The following SHROOM3 variants were observed in gnomAD, a reference collection of about 807,000 sequenced individuals.
SHROOM3 encodes the protein protein Shroom3.
A neutral mutation model predicts 138.6 loss-of-function variants in SHROOM3; 47 were observed. The ratio of observed to expected loss-of-function variants is 0.34; its 90% CI spans 0.27 to 0.43. The LOEUF (loss-of-function observed/expected upper bound fraction) is 0.43. SHROOM3 is among the 20% of genes least tolerant of loss of function. The pLI is 1.00. For synonymous variants in SHROOM3, 1,062 were observed against 1,063.3 expected, an observed-to-expected ratio of 1.00 and a Z score of 0.02; for missense variants, 2,491 against 2,596.5, an observed-to-expected ratio of 0.96 and a Z score of 0.88.
chr4:76,558,454 T>G (rs1386596124), intron 2 of SHROOM3, among the ~76,000 whole-genome samples: 3 of 152,226 alleles, frequency 2.0e-5, no homozygotes, highest in Non-Finnish European at 4.4e-5. Flanking sequence ...CATGCTAATA[T>G]GGAGAAGTAT....
intron 1 of SHROOM3, among the ~76,000 whole-genome samples, chr4:76,447,354 G>A (rs1393018426): frequency 6.6e-6 from 1 of 152,108 alleles, no homozygotes; most frequent in Non-Finnish European, 1.5e-5. Context: ...CTTTTCCTTT[G>A]AAAAGTTAAA....
chr4:76,552,023 G>C (rs1055280020), intron 1 of SHROOM3, among the ~76,000 whole-genome samples: 5 of 118,166 alleles, frequency 4.2e-5, no homozygotes, highest in Middle Eastern at 8.5e-3. Flanking sequence ...CATCACGCCC[G>C]GCTAATTTTT....
At chr4:76,710,768 A>C (rs751846036) in intron 3 of SHROOM3, among the ~76,000 whole-genome samples, 15 of 152,300 alleles carry the variant, frequency 9.8e-5, no homozygotes, top group Non-Finnish European at 1.6e-4. Flanking sequence ...CTACTTACCC[A>C]TGTGGGTCAG....
chr4:76,626,260 T>A (rs1237037904), intron 2 of SHROOM3, among the ~76,000 whole-genome samples: 1 of 152,204 alleles, frequency 6.6e-6, no homozygotes, highest in Admixed American at 6.5e-5. Flanking sequence ...GGATTTTTTT[T>A]ATCTCTAGGT....
rs1722684250 is a variant in SHROOM3 at position 76,779,759 on chromosome 4, T to A, written c.*582T>A. The A allele has an allele frequency of 6.5e-6, 1 of 153,050 alleles. No homozygotes were observed. Among genetic ancestry groups the A allele is most frequent in the Non-Finnish European group, 1.5e-5 (1 of 68,324 alleles). The allele number at this position is 153,050 out of a possible 1,614,324, so 9.5% of individuals were successfully genotyped here. A position where few individuals can be genotyped will look rare whatever the true frequency, so the allele number is the denominator to read the frequency against. ...GATTACGTTTGAGCTTTGTATTTTG[T>A]GAAAACCTTAATGAAATGAATTCCA... On this transcript the variant is annotated 3_prime_UTR_variant, in exon 11 of 11. Coordinates refer to ENST00000296043, the MANE Select transcript of SHROOM3 (RefSeq NM_020859.4).
At chr4:76,610,512 C>T (rs1442927114) in intron 2 of SHROOM3, among the ~76,000 whole-genome samples, 1 of 152,182 alleles carries the variant, frequency 6.6e-6, no homozygotes, top group East Asian at 1.9e-4. Flanking sequence ...GATGAAGCCT[C>T]TTGTTGCTGA....
At chr4:76,608,657 ATAG>A (rs1175495373) in intron 2 of SHROOM3, among the ~76,000 whole-genome samples, 1 of 28,168 alleles carries the variant, frequency 3.6e-5, no homozygotes, top group African/African-American at 6.0e-5. Context: ...ATAGCATAGC[ATAG>A]CATAGCACAG....
At position 76,739,053 on chromosome 4, in the gene SHROOM3, G is replaced by C. The variant is rs142581367; in HGVS notation, c.880G>C (p.Gly294Arg). Residue 294 changes from glycine (G) to arginine (R), a missense_variant, in exon 5 of 11, where the codon GGC becomes CGC. Gly to Arg is a moderately radical substitution (Grantham distance 125). Transcript: ENST00000296043. ...CATGGACAATACTTCTGCTCGAGGT[G>C]GCCTCCTCGAAGGGATGAGGCAGGC... ...GSMDNTSARGGLLEGMRQADI... is the reference protein window; with the variant it reads ...GSMDNTSARGRLLEGMRQADI... The C allele has an allele frequency of 5.6e-6, 9 of 1,614,214 alleles. No individual in the cohort carries two copies. The highest frequency in any genetic ancestry group is 7.6e-6 in the Non-Finnish European group (9 of 1,180,036).
chr4:76,491,121 A>G (rs1035210528), intron 1 of SHROOM3, among the ~76,000 whole-genome samples: 1 of 152,216 alleles, frequency 6.6e-6, no homozygotes, highest in Non-Finnish European at 1.5e-5. Flanking sequence ...AATATGCTCA[A>G]TTAGAGTCAA....
At chr4:76,696,294 C>T (rs992972935) in intron 2 of SHROOM3, among the ~76,000 whole-genome samples, 4 of 152,114 alleles carry the variant, frequency 2.6e-5, no homozygotes, top group African/African-American at 9.7e-5. Context: ...TCTTCACCAT[C>T]GCCCCCAGCC....
intron 1 of SHROOM3, among the ~76,000 whole-genome samples, chr4:76,524,282 A>G (rs559877735): frequency 1.2e-4 from 19 of 152,320 alleles, no homozygotes; most frequent in Admixed American, 7.8e-4. Context: ...ACACAATGGG[A>G]AAGAGCCCTA....
At position 76,756,650 on chromosome 4, in the gene SHROOM3, T is replaced by C. The variant is rs994531839; in HGVS notation, c.4911T>C (p.Thr1637=). 12 of 1,613,224 alleles carry C rather than the reference T, an allele frequency of 7.4e-6. No homozygotes were observed. The highest frequency in any genetic ancestry group is 1.0e-5 in the Non-Finnish European group (12 of 1,179,784). Residue 1637 remains threonine, a synonymous_variant, in exon 8 of 11, where the codon ACT becomes ACC. Transcript: ENST00000296043. The part of the protein sequence containing the change: ...SLGGQPAPIQ[T]QSLSHDPVSG... The stretch of plus-strand genomic sequence containing the variant: ...GTGGGCAGCCAGCACCCATCCAGAC[T>C]CAAAGCCTCAGCCATGATCCAGTCA...
chr4:76,644,249 CTTTTTCTTTTT>C (rs1315218474), intron 2 of SHROOM3: 1 of 146,418 alleles, frequency 6.8e-6, no homozygotes, highest in African/African-American at 2.5e-5. Flanking sequence ...CATGCTTTTT[CTTTTTCTTTTT>C]TTTTTTTTTG....
intron 3 of SHROOM3, among the ~76,000 whole-genome samples, chr4:76,720,137 A>T (rs945276468): frequency 6.7e-6 from 1 of 150,140 alleles, no homozygotes; most frequent in Non-Finnish European, 1.5e-5. Flanking sequence ...AAGCCTTGGA[A>T]AAGTGTTTTT....
At chr4:76,659,871 C>T (rs537817239) in intron 2 of SHROOM3, among the ~76,000 whole-genome samples, 5 of 152,208 alleles carry the variant, frequency 3.3e-5, no homozygotes, top group Middle Eastern at 3.4e-3. Flanking sequence ...CGTGAGCCAC[C>T]GCACCCAGCC....
intron 9 of SHROOM3, among the ~76,000 whole-genome samples, chr4:76,763,948 A>G (rs1476317867): frequency 2.6e-5 from 4 of 152,238 alleles, no homozygotes; most frequent in Non-Finnish European, 5.9e-5. Flanking sequence ...TACTTGGTCA[A>G]TATCCATTCT....
intron 1 of SHROOM3, among the ~76,000 whole-genome samples, chr4:76,497,604 T>A (rs7662804): frequency 8.3e-4 from 127 of 152,294 alleles, no homozygotes; most frequent in African/African-American, 3.0e-3. Flanking sequence ...ATGCCTGTAA[T>A]CCCAGCACTT....
intron 2 of SHROOM3, among the ~76,000 whole-genome samples, chr4:76,605,318 G>T (rs1285979620): frequency 6.6e-6 from 1 of 152,166 alleles, no homozygotes; most frequent in African/African-American, 2.4e-5. Flanking sequence ...ATGACATACA[G>T]CCCGGAAGAG....
intron 1 of SHROOM3, among the ~76,000 whole-genome samples, chr4:76,552,384 A>G (rs2110027470): frequency 6.6e-6 from 1 of 150,878 alleles, no homozygotes; most frequent in South Asian, 2.1e-4. Flanking sequence ...GCACACGCCT[A>G]TAGTCCTAGC....
Sources: allele counts gnomAD v4.1 joint callset (sites outside exome capture counted in the v4.1 genomes callset), GRCh38; gene constraint gnomAD v4.1.1; transcripts MANE v1.5; gene names NCBI Gene and HGNC (gene_info 2026-07-23, HGNC 2026-07-21).